CCSER1: variants seen among roughly 807,000 people sequenced by gnomAD.
CCSER1 encodes the protein coiled-coil serine rich protein 1, also known as serine-rich coiled-coil domain-containing protein 1.
A neutral mutation model predicts 82.0 loss-of-function variants in CCSER1; 41 were observed. The ratio of observed to expected loss-of-function variants is 0.50; its 90% CI spans 0.39 to 0.65. The LOEUF (loss-of-function observed/expected upper bound fraction) is 0.65. Among genes scored for constraint, CCSER1 ranks in the 30% least tolerant of loss-of-function variants. The probability of loss-of-function intolerance (pLI) is 0.00; values close to 1 mark genes in which losing one functional copy is unlikely to be tolerated. For missense variants in CCSER1, 1,119 were observed against 1,064.2 expected (o/e 1.05, Z -0.72); for synonymous variants, 414 against 383.9 (o/e 1.08, Z -0.92).
chr4:90,428,091 A>T (rs1757776764), intron 4 of CCSER1, among the ~76,000 whole-genome samples: 1 of 151,858 alleles, frequency 6.6e-6, no homozygotes, highest in Admixed American at 6.6e-5. Flanking sequence ...TATTTTCAGT[A>T]GTCCTCAGGA....
chr4:91,304,667 C>T (rs1448588831), intron 10 of CCSER1, among the ~76,000 whole-genome samples: 1 of 151,982 alleles, frequency 6.6e-6, no homozygotes, highest in African/African-American at 2.4e-5. Flanking sequence ...ATATACTGTC[C>T]TTTAATTAGT....
At chr4:90,692,434 A>C (rs1736175301) in intron 6 of CCSER1, among the ~76,000 whole-genome samples, 1 of 151,918 alleles carries the variant, frequency 6.6e-6, no homozygotes. Context: ...TAATTAGAAA[A>C]ATTATACATG....
chr4:90,809,457 T>G (rs1757961116), intron 7 of CCSER1, among the ~76,000 whole-genome samples: 2 of 152,128 alleles, frequency 1.3e-5, no homozygotes, highest in African/African-American at 2.4e-5. Context: ...ATACCCCATG[T>G]TCTTATTTAT....
Position 91,013,693 on chromosome 4 carries a change from C to G in CCSER1, c.2173-72257C>G, listed in dbSNP as rs1396964866. Among the ~76,000 whole-genome samples the G allele has an allele frequency of 1.3e-4, 16 of 127,342 alleles. 6 individuals carry two copies. The highest frequency in any genetic ancestry group is 2.2e-4 in the Non-Finnish European group (12 of 54,940). The allele number at this position is 127,342 out of a possible 152,430, so 83.5% of individuals were successfully genotyped here. ...TCTCGGCTCACTGCAAGCTCCGCCT[C>G]CCGGGTTCACGCCATTCTCCTGCCT... On this transcript the variant is annotated intron_variant, in intron 9 of 10. Transcript: ENST00000509176.
At chr4:90,197,311 C>A (rs541756965) in intron 1 of CCSER1, among the ~76,000 whole-genome samples, 30 of 152,172 alleles carry the variant, frequency 2.0e-4, no homozygotes, top group African/African-American at 5.5e-4. Context: ...TTTTTTGGAA[C>A]CCTCATATAC....
chr4:90,567,660 C>A (rs890773568), intron 5 of CCSER1, among the ~76,000 whole-genome samples: 1 of 145,430 alleles, frequency 6.9e-6, no homozygotes, highest in African/African-American at 2.6e-5. Context: ...GGCTCTAGGG[C>A]AGTGGTATGA....
intron 4 of CCSER1, among the ~76,000 whole-genome samples, chr4:90,462,732 A>T (rs1763111129): frequency 6.6e-6 from 1 of 152,180 alleles, no homozygotes; most frequent in South Asian, 2.1e-4. Context: ...GGCGAATAAT[A>T]AAACACCATC....
intron 6 of CCSER1, among the ~76,000 whole-genome samples, chr4:90,644,601 A>T (rs772547361): frequency 6.6e-6 from 1 of 151,914 alleles, no homozygotes; most frequent in African/African-American, 2.4e-5. Flanking sequence ...TGCATTGGCT[A>T]TTTATCCTGA....
At chr4:91,203,633 T>C (rs1219566809) in intron 10 of CCSER1, among the ~76,000 whole-genome samples, 1 of 139,336 alleles carries the variant, frequency 7.2e-6, no homozygotes, top group Non-Finnish European at 1.5e-5. Context: ...AAAGCATGAA[T>C]GCATATATAC....
chr4:90,604,603 G>T (rs1784400520), intron 5 of CCSER1, among the ~76,000 whole-genome samples: 1 of 152,188 alleles, frequency 6.6e-6, no homozygotes, highest in Non-Finnish European at 1.5e-5. Context: ...CCGCTTCCGG[G>T]ATCCACTAGG....
At chr4:91,489,806 A>G (rs538071550) in intron 10 of CCSER1, among the ~76,000 whole-genome samples, 1 of 33,894 alleles carries the variant, frequency 3.0e-5, no homozygotes, top group East Asian at 2.4e-3. Flanking sequence ...AAAAAGATTG[A>G]GCTTCCTAAA....
intron 10 of CCSER1, among the ~76,000 whole-genome samples, chr4:91,223,347 C>A (rs1737899970): frequency 1.3e-5 from 2 of 151,858 alleles, no homozygotes; most frequent in South Asian, 2.1e-4. Flanking sequence ...AACATGTAGA[C>A]ACTTTGAGCC....
intron 5 of CCSER1, among the ~76,000 whole-genome samples, chr4:90,480,956 A>C (rs1765851614): frequency 6.6e-6 from 1 of 152,090 alleles, no homozygotes. Context: ...TGAATCTATA[A>C]ATTAGTTTGG....
In CCSER1 at chr4:90,610,300, T is replaced by A. The variant is rs114713092; in HGVS notation, c.1725-17725T>A. 8.1e-3 allele frequency among the ~76,000 whole-genome samples: 1,050 copies of A among 130,292 alleles called. 15 individuals are homozygous for A. Among genetic ancestry groups the A allele is most frequent in the African/African-American group, 0.027 (930 of 34,390 alleles). 85.5% of individuals were successfully genotyped at this position (130,292 alleles called of 152,430 possible). On this transcript the variant is annotated intron_variant, in intron 5 of 10. Coordinates refer to ENST00000509176, the MANE Select transcript of CCSER1 (RefSeq NM_001145065.2). ...ATAAATAAATAAATAAATAAATAAA[T>A]AAAATGTGATTTCAGTAAGCTGTAA... is the stretch of plus-strand genomic sequence containing the variant.
rs557303291 is a variant in CCSER1 at position 90,829,793 on chromosome 4, T to C, written c.2094+13948T>C. The stretch of plus-strand genomic sequence containing the variant: ...TCCTAGAACTTTATAGGCTGGTCTG[T>C]TTCCCGTAATTCTTTCCTTAGGGTG... On this transcript the variant is annotated intron_variant, in intron 8 of 10. Transcript: ENST00000509176. Among the ~76,000 whole-genome samples, 29 of 152,324 alleles carry C rather than the reference T, an allele frequency of 1.9e-4. No homozygotes were observed. The South Asian group carries it at 4.3e-3, about 23-fold the overall frequency.
At chr4:90,577,050 G>T (rs1780848871) in intron 5 of CCSER1, among the ~76,000 whole-genome samples, 1 of 152,028 alleles carries the variant, frequency 6.6e-6, no homozygotes, top group South Asian at 2.1e-4. Flanking sequence ...TGTTATTAAT[G>T]TTCTGCATTT....
rs1023666599 is a variant in CCSER1 at position 90,780,630 on chromosome 4, T to C, written c.2011-35132T>C. The C allele has an allele frequency of 3.6e-6, 5 of 1,385,796 alleles. No individual in the cohort carries two copies. The African/African-American group carries it at 5.9e-5, about 16-fold the overall frequency. 85.8% of individuals were successfully genotyped at this position (1,385,796 alleles called of 1,614,324 possible). On this transcript the variant is annotated intron_variant, in intron 7 of 10. Coordinates refer to ENST00000509176, the MANE Select transcript of CCSER1 (RefSeq NM_001145065.2). The stretch of plus-strand genomic sequence containing the variant: ...GCAAAGGACAGTAGGCTTTTCTATA[T>C]CATTATATTCATTCAAATGATTCTC...
At chr4:91,458,010 ATTCTAGAATGCCATGC>A (rs1185214286) in intron 10 of CCSER1, among the ~76,000 whole-genome samples, 1 of 152,190 alleles carries the variant, frequency 6.6e-6, no homozygotes, top group African/African-American at 2.4e-5. Context: ...AGTTATGTAT[ATTCTAGAATGCCATGC>A]TTTAGCTTTA....
intron 10 of CCSER1, among the ~76,000 whole-genome samples, chr4:91,117,549 T>G (rs1479950994): frequency 1.3e-5 from 2 of 152,230 alleles, no homozygotes; most frequent in African/African-American, 4.8e-5. Flanking sequence ...TCAATGAAGT[T>G]CATAAGAAGA....
Sources: gnomAD v4.1 joint callset for allele counts (sites outside exome capture counted in the v4.1 genomes callset) on GRCh38, gnomAD v4.1.1 for gene constraint, MANE v1.5 for transcripts, NCBI Gene and HGNC (gene_info 2026-07-23, HGNC 2026-07-21) for gene names.